WNK3: variants seen among roughly 807,000 people sequenced by gnomAD.
The protein encoded by WNK3 is serine/threonine-protein kinase WNK3.
In WNK3, 18 loss-of-function variants were observed where a neutral mutation model predicts 116.7. The observed-to-expected ratio is 0.15, with a 90% CI of 0.11 to 0.23. The LOEUF (loss-of-function observed/expected upper bound fraction) is 0.23, where lower values mean the gene tolerates loss of function less well. WNK3 is among the 10% of genes least tolerant of loss of function. The pLI, the probability that WNK3 is intolerant of heterozygous loss-of-function variation, is 1.00. For missense variants in WNK3, 993 were observed against 1,323.8 expected (o/e 0.75, Z 3.88); for synonymous variants, 404 against 469.4 (o/e 0.86, Z 1.80).
chrX:54,251,591 A>G lies in WNK3; in HGVS notation c.2464T>C (p.Phe822Leu), dbSNP rs2068130512. 2.5e-6 allele frequency: 3 copies of G among 1,209,255 alleles called. No individual in the cohort carries two copies. The highest frequency in any genetic ancestry group is 2.2e-6 in the Non-Finnish European group (2 of 894,829). ...ACTCCAGTGGCTCTTTCTGTGGCAAAGTGGACATGAAGGATCTCCTGGGCT... is the reference window on the plus strand; with the variant it reads ...ACTCCAGTGGCTCTTTCTGTGGCAAGGTGGACATGAAGGATCTCCTGGGCT... The change falls in exon 14 of 24, where the codon TTT (phenylalanine) becomes CTT (leucine). Residue 822 changes from phenylalanine to leucine, a missense_variant. Coordinates refer to ENST00000354646, the Ensembl canonical transcript of WNK3.
intron 10 of WNK3, among the ~76,000 whole-genome samples, chrX:54,282,787 C>A (rs1335954613): frequency 9.0e-6 from 1 of 111,150 alleles, no homozygotes; most frequent in African/African-American, 3.3e-5. Flanking sequence ...GAAATTAGAC[C>A]CCTACCTCAA....
At chrX:54,348,645 A>G (rs2069471325) in intron 1 of WNK3, among the ~76,000 whole-genome samples, 1 of 111,913 alleles carries the variant, frequency 8.9e-6, no homozygotes, top group African/African-American at 3.2e-5. Flanking sequence ...AGTGTCTTTT[A>G]CCCCAGAGTC....
At chrX:54,308,027 G>A (rs1557169000) in exon 5 of WNK3, 4 of 1,206,762 alleles carry the variant, frequency 3.3e-6, no homozygotes, top group East Asian at 3.0e-5. Context: ...AAACATCTAC[G>A]GATTCATCAT....
rs782111107 is a variant in WNK3 at position 54,255,997 on chromosome X, C to A, written c.2103-110G>T. Reference sequence around the variant, plus strand: ...ATGAATTTAAGAAAAATTAATACTACAATCTTTTTAAAAGTTATGACTGCA... The same window carrying A: ...ATGAATTTAAGAAAAATTAATACTAAAATCTTTTTAAAAGTTATGACTGCA... On this transcript the variant is annotated intron_variant, in intron 11 of 23. Transcript: ENST00000354646. The A allele has an allele frequency of 8.8e-4, 575 of 651,168 alleles. 3 individuals carry two copies. The highest frequency in any genetic ancestry group is 1.2e-3 in the Non-Finnish European group (530 of 449,688). The allele number at this position is 651,168 out of a possible 1,213,427, so 53.7% of individuals were successfully genotyped here.
intron 17 of WNK3, among the ~76,000 whole-genome samples, chrX:54,244,502 A>AT (rs201388449): frequency 0.01 from 1,171 of 112,032 alleles, 14 homozygotes; most frequent in African/African-American, 0.037. Flanking sequence ...GAATGTTTTC[A>AT]TTTAAAAAAT....
intron 1 of WNK3, among the ~76,000 whole-genome samples, chrX:54,336,879 T>C (rs2069245542): frequency 9.0e-6 from 1 of 111,375 alleles, no homozygotes; most frequent in South Asian, 3.7e-4. Flanking sequence ...GCCAACCAGA[T>C]GACATTACTA....
intron 21 of WNK3, among the ~76,000 whole-genome samples, chrX:54,231,282 G>GT (rs1295927418): frequency 1.8e-5 from 2 of 112,101 alleles, no homozygotes; most frequent in African/African-American, 3.2e-5. Context: ...GATCATCCAA[G>GT]TACAGTTCCT....
chrX:54,199,881 C>T (rs1439510001), intron 23 of WNK3, among the ~76,000 whole-genome samples: 1 of 111,808 alleles, frequency 8.9e-6, no homozygotes, highest in Non-Finnish European at 1.9e-5. Context: ...GATGAAGTTC[C>T]TTATCATTAC....
intron 23 of WNK3, among the ~76,000 whole-genome samples, chrX:54,200,579 A>G (rs577643623): frequency 8.9e-6 from 1 of 111,794 alleles, no homozygotes; most frequent in Admixed American, 9.5e-5. Flanking sequence ...AGGCACAGAT[A>G]GATCAAATGA....
exon 17 of WNK3, chrX:54,248,946 A>G (rs1557153358): frequency 8.3e-7 from 1 of 1,211,110 alleles, no homozygotes; most frequent in East Asian, 3.0e-5. Flanking sequence ...TATCCTTCTG[A>G]CTCTCGGGAT....
At chrX:54,344,625 T>C (rs1307922319) in intron 1 of WNK3, among the ~76,000 whole-genome samples, 2 of 112,027 alleles carry the variant, frequency 1.8e-5, no homozygotes, top group Admixed American at 1.9e-4. Context: ...TAAACTAATA[T>C]AAGACCTGAC....
chrX:54,297,815 T>C (rs1479356100), intron 7 of WNK3, among the ~76,000 whole-genome samples: 1 of 111,714 alleles, frequency 9.0e-6, no homozygotes, highest in African/African-American at 3.2e-5. Context: ...GGCTCACGCC[T>C]GTAATCCCAG....
Position 54,313,898 on chromosome X carries a change from T to C in WNK3, c.538-2607A>G, listed in dbSNP as rs781909321. 2.7e-5 allele frequency among the ~76,000 whole-genome samples: 3 copies of C among 110,482 alleles called. No homozygotes were observed. The East Asian group carries it at 8.7e-4, about 32-fold the overall frequency. ...CCTCCTTTTTTGATGTACATTAACA[T>C]TGCCACTTTGGGGCCAGGTGTGGTG... On this transcript the variant is annotated intron_variant, in intron 2 of 23. Transcript: ENST00000354646.
At position 54,217,022 on chromosome X, in the gene WNK3, A is replaced by T. The variant is rs781985339; in HGVS notation, c.4870+11692T>A. On this transcript the variant is annotated intron_variant, in intron 22 of 23. Coordinates refer to ENST00000354646, the Ensembl canonical transcript of WNK3. ...AAGACCCCATCTTTACACAAATTTT[A>T]AAAATTAGCCATGTGGGCCGGGCAC... is the stretch of plus-strand genomic sequence containing the variant. 2.7e-5 allele frequency among the ~76,000 whole-genome samples: 3 copies of T among 111,731 alleles called. No individual in the cohort carries two copies. In the South Asian group the frequency reaches 1.1e-3, roughly 42 times the overall value.
chrX:54,302,765 T>A (rs1327893772), intron 5 of WNK3, among the ~76,000 whole-genome samples: 32 of 73,256 alleles, frequency 4.4e-4, no homozygotes, highest in Non-Finnish European at 5.8e-4. Flanking sequence ...ATATTTTTTT[T>A]TTTTTTTTTA....
chrX:54,263,872 G>A (rs1457543856), intron 10 of WNK3, among the ~76,000 whole-genome samples: 1 of 109,586 alleles, frequency 9.1e-6, no homozygotes, highest in East Asian at 2.9e-4. Context: ...AAGGCCAATT[G>A]TTGGTGAAGG....
intron 22 of WNK3, among the ~76,000 whole-genome samples, chrX:54,224,602 C>T (rs1557147347): frequency 9.3e-6 from 1 of 107,943 alleles, no homozygotes; most frequent in African/African-American, 3.4e-5. Flanking sequence ...TGGAGTCTCG[C>T]TCTGTCGCCC....
In WNK3 at chrX:54,250,148, C is replaced by T; in HGVS notation, c.2576-17G>A. ...CAGATTCATCTGCAGAAATAATTAGCAAAAAATAATATGCTAAGCTATTTT... is the reference window on the plus strand; with the variant it reads ...CAGATTCATCTGCAGAAATAATTAGTAAAAAATAATATGCTAAGCTATTTT... On this transcript the variant is annotated splice_polypyrimidine_tract_variant and intron_variant, in intron 15 of 23. Transcript: ENST00000354646. 1.2e-5 allele frequency: 14 copies of T among 1,161,114 alleles called. No homozygotes were observed. The highest frequency in any genetic ancestry group is 1.6e-5 in the Non-Finnish European group (14 of 871,688).
At position 54,293,118 on chromosome X, in the gene WNK3, T is replaced by A. The variant is rs1557165478; in HGVS notation, c.1887+16A>T. 2.5e-6 allele frequency: 3 copies of A among 1,187,697 alleles called. No homozygotes were observed. The highest frequency in any genetic ancestry group is 4.7e-5 in the Admixed American group (2 of 42,527). On this transcript the variant is annotated intron_variant, in intron 9 of 23. Coordinates refer to ENST00000354646, the Ensembl canonical transcript of WNK3. ...TACACTGATTATATATTTAAAAATA[T>A]AACAGTTCACCTCACCCCTGAAACT...
Sources: allele counts gnomAD v4.1 joint callset (sites outside exome capture counted in the v4.1 genomes callset), GRCh38; gene constraint gnomAD v4.1.1; transcripts MANE v1.5; gene names NCBI Gene and HGNC (gene_info 2026-07-23, HGNC 2026-07-21).